Variants in FRY observed in about 807,000 individuals in gnomAD.
The protein encoded by FRY is FRY microtubule binding protein, also known as protein furry homolog.
Under a neutral mutation model 348.4 loss-of-function variants are expected in FRY, and 128 were observed. The observed-to-expected ratio is 0.37, with a 90% CI of 0.32 to 0.43. FRY has a LOEUF of 0.43. FRY is among the 20% of genes least tolerant of loss of function. The probability of loss-of-function intolerance (pLI) is 1.00; values close to 1 mark genes in which losing one functional copy is unlikely to be tolerated. For missense variants in FRY, 2,736 were observed against 3,695.2 expected, an observed-to-expected ratio of 0.74 and a Z score of 6.73; for synonymous variants, 1,370 against 1,374.7, an observed-to-expected ratio of 1.00 and a Z score of 0.08.
At chr13:32,259,196 G>T (rs73169145) in intron 51 of FRY, among the ~76,000 whole-genome samples, 27,064 of 152,138 alleles carry the variant, frequency 0.18, 2,762 homozygotes, top group Non-Finnish European at 0.23. Context: ...GAGGAAGGAT[G>T]GAGGGTGGGT....
rs772967229 is a variant in FRY, at chr13:32,237,962, A to T, written c.6394A>T (p.Met2132Leu). Reference sequence around the variant, plus strand: ...GCTGACACCAGTGTCCAAAATATCCATGGTGGATGCATCCCACGCTATTGG... The same window carrying T: ...GCTGACACCAGTGTCCAAAATATCCTTGGTGGATGCATCCCACGCTATTGG... ...SLLTPVSKISMVDASHAIGFP... is the reference protein window; with the variant it reads ...SLLTPVSKISLVDASHAIGFP... The change falls in exon 44 of 61, where the codon ATG (methionine) becomes TTG (leucine). Residue 2132 changes from methionine to leucine, a missense_variant. Physicochemically the swap from Met to Leu is conservative, Grantham distance 15 (BLOSUM62 2). This residue lies in a region of FRY where 789 missense variants were observed against 996.2 expected (regional missense o/e 0.79). Transcript: ENST00000542859. The surrounding 1 kb of genome is among the most constrained non-coding windows in gnomAD (Gnocchi z 6.3). 2.5e-6 allele frequency: 4 copies of T among 1,613,836 alleles called. No individual in the cohort carries two copies. The African/African-American group carries it at 4.0e-5, about 16-fold the overall frequency.
At chr13:32,033,260 T>TTAATTAGA (rs1381169401) in intron 1 of FRY, among the ~76,000 whole-genome samples, 1 of 152,222 alleles carries the variant, frequency 6.6e-6, no homozygotes, top group African/African-American at 2.4e-5. Flanking sequence ...GTCTATCTGC[T>TTAATTAGA]CTTTGATTAA....
intron 58 of FRY, among the ~76,000 whole-genome samples, chr13:32,286,205 A>C (rs1889039833): frequency 6.6e-6 from 1 of 152,168 alleles, no homozygotes; most frequent in Non-Finnish European, 1.5e-5. Context: ...CCTTATTTTC[A>C]AGTACAATAC....
Position 32,134,903 on chromosome 13 carries a change from G to A in FRY, c.886-1G>A. On this transcript the variant is annotated splice_acceptor_variant, in intron 8 of 60. Transcript: ENST00000542859. LOFTEE classifies it high-confidence loss of function. ...CCCTATACTCTTTTTCTGCTTCCCA[G>A]GAATGTGCACATTACTTCCTCGAGG... The A allele has an allele frequency of 6.3e-7, 1 of 1,594,220 alleles. No homozygotes were observed. Among genetic ancestry groups the A allele is most frequent in the Non-Finnish European group, 8.6e-7 (1 of 1,162,054 alleles).
chr13:32,117,421 A>G lies in FRY; in HGVS notation c.412A>G (p.Ile138Val), dbSNP rs1465611264. The change falls in exon 4 of 61, where the codon ATT (isoleucine) becomes GTT (valine). Residue 138 changes from isoleucine (I) to valine (V), a missense_variant. Ile to Val is a conservative substitution (Grantham distance 29). This residue lies in a region of FRY where 309 missense variants were observed against 418.1 expected (regional missense o/e 0.74). Coordinates refer to ENST00000542859, the MANE Select transcript of FRY (RefSeq NM_023037.3). ...LFDWYKRQNG[I>V]EDESHEYRPR... ...TGACTGGTATAAAAGGCAAAATGGC[A>G]TTGAGGATGAATCACATGAATACAG... 1.2e-6 allele frequency: 2 copies of G among 1,613,934 alleles called. No homozygotes were observed. Among genetic ancestry groups the G allele is most frequent in the Admixed American group, 3.3e-5 (2 of 60,024 alleles).
intron 51 of FRY, among the ~76,000 whole-genome samples, chr13:32,257,009 G>A (rs762989758): frequency 3.3e-5 from 5 of 152,092 alleles, no homozygotes; most frequent in Non-Finnish European, 5.9e-5. Flanking sequence ...ATTATCTTCA[G>A]GCTGTGTATT....
chr13:32,122,623 G>A (rs1410221681), intron 4 of FRY, among the ~76,000 whole-genome samples: 1 of 152,106 alleles, frequency 6.6e-6, no homozygotes, highest in Non-Finnish European at 1.5e-5. Flanking sequence ...CTGAGAACTG[G>A]AACAAGACAA....
intron 49 of FRY, among the ~76,000 whole-genome samples, chr13:32,251,076 T>C (rs1410889646): frequency 6.6e-6 from 1 of 152,210 alleles, no homozygotes; most frequent in Non-Finnish European, 1.5e-5. Context: ...AGAGTGGCAT[T>C]GGCCTCCTAG....
intron 48 of FRY, among the ~76,000 whole-genome samples, chr13:32,247,815 G>A (rs986049485): frequency 6.6e-6 from 1 of 152,154 alleles, no homozygotes; most frequent in African/African-American, 2.4e-5. Flanking sequence ...ATCTGACAAT[G>A]GTCATGTCTT....
chr13:32,145,544 T>G lies in FRY; in HGVS notation c.1180-1738T>G, dbSNP rs1349798007. On this transcript the variant is annotated intron_variant, in intron 11 of 60. Transcript: ENST00000542859. Reference sequence around the variant, plus strand: ...CTGATTTGTTTTTTTTTTTTTTTTTTTTTTTTTTTTTGAGACGGAGTCTCG... The same window carrying G: ...CTGATTTGTTTTTTTTTTTTTTTTTGTTTTTTTTTTTGAGACGGAGTCTCG... 1.3e-3 allele frequency among the ~76,000 whole-genome samples: 186 copies of G among 145,414 alleles called. 6 individuals carry two copies. The highest frequency in any genetic ancestry group is 1.5e-3 in the Non-Finnish European group (99 of 66,298).
intron 46 of FRY, among the ~76,000 whole-genome samples, chr13:32,243,266 C>A (rs748328337): frequency 6.6e-6 from 1 of 152,130 alleles, no homozygotes; most frequent in Non-Finnish European, 1.5e-5. Context: ...AACTGCATGA[C>A]GTTTCATTAT....
chr13:32,095,382 C>G (rs144699543), intron 2 of FRY, among the ~76,000 whole-genome samples: 6,273 of 113,824 alleles, frequency 0.055, 369 homozygotes, highest in East Asian at 0.31. Flanking sequence ...GAGTCTCACT[C>G]TGTCACCCAG....
At chr13:32,118,962 G>C (rs1403312160) in intron 4 of FRY, among the ~76,000 whole-genome samples, 1 of 151,976 alleles carries the variant, frequency 6.6e-6, no homozygotes, top group Non-Finnish European at 1.5e-5. Context: ...TTTTAGTTTT[G>C]TTCCTCTGTT....
intron 31 of FRY, among the ~76,000 whole-genome samples, chr13:32,203,541 G>A (rs1470257070): frequency 6.6e-6 from 1 of 152,102 alleles, no homozygotes; most frequent in Non-Finnish European, 1.5e-5. Flanking sequence ...TGGCTAACAT[G>A]GTGAAACCCC....
At chr13:32,259,710 A>G (rs1410602360) in intron 51 of FRY, among the ~76,000 whole-genome samples, 1 of 151,908 alleles carries the variant, frequency 6.6e-6, no homozygotes, top group African/African-American at 2.4e-5. Context: ...TAGTATTCTG[A>G]TTTTTCTGTA....
At chr13:32,201,013 C>T (rs2520702) in intron 29 of FRY, among the ~76,000 whole-genome samples, 74,099 of 151,898 alleles carry the variant, frequency 0.49, 18,018 homozygotes, top group Non-Finnish European at 0.49. Context: ...TGCCGTGGCC[C>T]CCCTCCCCAG....
chr13:32,208,887 C>G lies in FRY; in HGVS notation c.4053C>G (p.Asn1351Lys), dbSNP rs187526864. The G allele has an allele frequency of 1.9e-6, 3 of 1,614,166 alleles. No homozygotes were observed. Among genetic ancestry groups the G allele is most frequent in the Non-Finnish European group, 1.7e-6 (2 of 1,180,018 alleles). Residue 1351 changes from asparagine (N) to lysine (K), a missense_variant, in exon 32 of 61, where the codon AAC becomes AAG. Asn to Lys is a moderately conservative substitution (Grantham distance 94). This residue lies in a region of FRY where 794 missense variants were observed against 977.0 expected (regional missense o/e 0.81). Coordinates refer to ENST00000542859, the MANE Select transcript of FRY (RefSeq NM_023037.3). Reference protein sequence around the residue: ...VSQRFPTTHPNGRQIMLTYLL... With the variant: ...VSQRFPTTHPKGRQIMLTYLL... ...AGCGATTCCCCACAACACACCCCAA[C>G]GGGCGCCAGATCATGCTTACCTACC...
At position 32,295,539 on chromosome 13, in the gene FRY, C is replaced by T. The variant is rs2072047496; in HGVS notation, c.*79C>T. The T allele has an allele frequency of 7.3e-7, 1 of 1,373,272 alleles. No individual in the cohort carries two copies. Among genetic ancestry groups the T allele is most frequent in the South Asian group, 1.2e-5 (1 of 86,242 alleles). The allele number at this position is 1,373,272 out of a possible 1,614,324, so 85.1% of individuals were successfully genotyped here. A position where few individuals can be genotyped will look rare whatever the true frequency, so the allele number is the denominator to read the frequency against. The stretch of plus-strand genomic sequence containing the variant: ...GCAACGTCATTCAGTGTCTTCTCGG[C>T]CTTCAAAAGGCTTGGACAGACTGTT... On this transcript the variant is annotated 3_prime_UTR_variant, in exon 61 of 61. Transcript: ENST00000542859.
intron 8 of FRY, among the ~76,000 whole-genome samples, chr13:32,132,866 G>C (rs1489392487): frequency 2.0e-5 from 3 of 152,182 alleles, no homozygotes; most frequent in South Asian, 2.1e-4. Flanking sequence ...ATAAAAAGTA[G>C]TGAAGCTGAT....
Sources: allele counts gnomAD v4.1 joint callset (sites outside exome capture counted in the v4.1 genomes callset), GRCh38; gene constraint gnomAD v4.1.1; regional missense constraint gnomAD v4.1.1; non-coding constraint Gnocchi (gnomAD v3.1); transcripts MANE v1.5; gene names NCBI Gene and HGNC (gene_info 2026-07-23, HGNC 2026-07-21).